Variants in ZNF385D observed in about 807,000 individuals in gnomAD.
The protein encoded by ZNF385D is zinc finger protein 659.
ZNF385D carries 15 observed loss-of-function variants against 35.8 expected under a neutral mutation model. The ratio of observed to expected loss-of-function variants is 0.42; its 90% CI spans 0.28 to 0.64. The LOEUF (loss-of-function observed/expected upper bound fraction) is 0.64, where lower values mean the gene tolerates loss of function less well. ZNF385D is among the 30% of genes least tolerant of loss of function. ZNF385D has a pLI of 0.23. For synonymous variants in ZNF385D, 212 were observed against 186.8 expected (o/e 1.13, Z -1.10); for missense variants, 474 against 494.6 (o/e 0.96, Z 0.39).
chr3:21,732,029 GGTTTTTTTTTTTTTTTTTTTTTTT>G (rs1559561917), intron 1 of ZNF385D, among the ~76,000 whole-genome samples: 1 of 21,218 alleles, frequency 4.7e-5, no homozygotes, highest in African/African-American at 2.2e-4. Flanking sequence ...CTTTTTTCGG[GGTTTTTTTTTTTTTTTTTTTTTTT>G]TTTTTTTTTT....
At chr3:21,989,436 C>T (rs185181577) in intron 3 of ZNF385D, among the ~76,000 whole-genome samples, 14 of 152,158 alleles carry the variant, frequency 9.2e-5, no homozygotes, top group Admixed American at 5.2e-4. Context: ...ATGCAACAGT[C>T]GGAAACTAAT....
chr3:21,854,694 T>C (rs1392639996), intron 3 of ZNF385D, among the ~76,000 whole-genome samples: 1 of 151,994 alleles, frequency 6.6e-6, no homozygotes, highest in East Asian at 1.9e-4. Flanking sequence ...AAAATACCTT[T>C]AATCCTGACT....
rs568659798 is a variant in ZNF385D, at chr3:21,539,320, T to G, written c.276+25254A>C. On this transcript the variant is annotated intron_variant, in intron 3 of 7. Coordinates refer to ENST00000281523, the MANE Select transcript of ZNF385D (RefSeq NM_024697.3). The surrounding 1 kb of genome is among the most constrained non-coding windows in gnomAD (Gnocchi z 4.0). ...ATTAATTGATGCCATTTTGCCCTGG[T>G]TTTGTTTCACGGATTAAATTAAGAA... is the stretch of plus-strand genomic sequence containing the variant. Among the ~76,000 whole-genome samples, 3 of 152,262 alleles carry G rather than the reference T, an allele frequency of 2.0e-5. No homozygotes were observed. In the East Asian group the frequency reaches 5.8e-4, roughly 29 times the overall value.
At chr3:22,281,695 T>C (rs927893438) in intron 2 of ZNF385D, among the ~76,000 whole-genome samples, 1 of 151,972 alleles carries the variant, frequency 6.6e-6, no homozygotes, top group African/African-American at 2.4e-5. Flanking sequence ...CACTGGTGTG[T>C]ACTTTTCTTT....
intron 2 of ZNF385D, among the ~76,000 whole-genome samples, chr3:22,221,594 C>G (rs1298195914): frequency 6.6e-6 from 1 of 152,118 alleles, no homozygotes; most frequent in African/African-American, 2.4e-5. Context: ...TTTCTCATCA[C>G]TTCAGGGTTT....
chr3:22,359,188 G>T (rs1696299630), intron 2 of ZNF385D, among the ~76,000 whole-genome samples: 1 of 151,442 alleles, frequency 6.6e-6, no homozygotes, highest in Admixed American at 6.6e-5. Context: ...ACATCTCAGT[G>T]GTCATTTTAG....
intron 2 of ZNF385D, among the ~76,000 whole-genome samples, chr3:22,207,101 G>A (rs908120370): frequency 3.3e-5 from 5 of 151,776 alleles, no homozygotes; most frequent in African/African-American, 1.2e-4. Flanking sequence ...AAATTCAAAG[G>A]ATTATCAGAG....
chr3:21,885,561 A>T (rs1698496253), intron 3 of ZNF385D, among the ~76,000 whole-genome samples: 1 of 152,060 alleles, frequency 6.6e-6, no homozygotes, highest in African/African-American at 2.4e-5. Context: ...TGCATACATA[A>T]ACCAAGAAAG....
At chr3:22,353,436 C>T (rs749602449) in intron 2 of ZNF385D, among the ~76,000 whole-genome samples, 2 of 152,128 alleles carry the variant, frequency 1.3e-5, no homozygotes, top group African/African-American at 2.4e-5. Flanking sequence ...GTTGCAGTCT[C>T]TGTATATTTG....
intron 2 of ZNF385D, among the ~76,000 whole-genome samples, chr3:22,206,232 C>T (rs1053562186): frequency 3.3e-5 from 5 of 151,858 alleles, no homozygotes; most frequent in African/African-American, 1.2e-4. Flanking sequence ...GAGGATACAA[C>T]AATTGTAAAT....
At chr3:21,478,976 T>G (rs1026904370) in intron 4 of ZNF385D, among the ~76,000 whole-genome samples, 5 of 152,042 alleles carry the variant, frequency 3.3e-5, no homozygotes, top group African/African-American at 1.2e-4. Flanking sequence ...GTATTATGCA[T>G]GATTAAAATA....
intron 3 of ZNF385D, among the ~76,000 whole-genome samples, chr3:21,535,100 A>T (rs1432273555): frequency 6.6e-6 from 1 of 152,140 alleles, no homozygotes; most frequent in Non-Finnish European, 1.5e-5. Context: ...AGGCTAAATC[A>T]TCTAAAGAAC....
chr3:21,883,279 A>C (rs552668242), intron 3 of ZNF385D, among the ~76,000 whole-genome samples: 1 of 152,004 alleles, frequency 6.6e-6, no homozygotes, highest in Non-Finnish European at 1.5e-5. Context: ...ATAAACTTAA[A>C]GATTTATATT....
intron 3 of ZNF385D, among the ~76,000 whole-genome samples, chr3:22,006,515 C>A: frequency 6.6e-6 from 1 of 151,524 alleles, no homozygotes; most frequent in East Asian, 1.9e-4. Context: ...TTTTTGATTA[C>A]AGTAATAAAT....
intron 2 of ZNF385D, among the ~76,000 whole-genome samples, chr3:21,612,284 G>C (rs1320910691): frequency 6.6e-6 from 1 of 151,956 alleles, no homozygotes; most frequent in Admixed American, 6.5e-5. Flanking sequence ...ATTTTTAGTA[G>C]AGACGGGGTA....
At chr3:22,004,247 G>A (rs1440304003) in intron 3 of ZNF385D, among the ~76,000 whole-genome samples, 1 of 152,040 alleles carries the variant, frequency 6.6e-6, no homozygotes, top group African/African-American at 2.4e-5. Flanking sequence ...ACATCCATAG[G>A]CAGAAGACCC....
intron 3 of ZNF385D, among the ~76,000 whole-genome samples, chr3:22,040,436 G>T (rs1020482734): frequency 3.9e-5 from 6 of 152,078 alleles, no homozygotes; most frequent in African/African-American, 7.2e-5. Context: ...ACAGATCAAG[G>T]GTTGCAAGCC....
intron 3 of ZNF385D, among the ~76,000 whole-genome samples, chr3:21,891,210 G>A (rs553887966): frequency 7.2e-5 from 11 of 152,106 alleles, no homozygotes; most frequent in East Asian, 3.9e-4. Context: ...CAGATATTTC[G>A]TTATTGTTAT....
At chr3:22,150,582 G>A (rs1251873259) in intron 3 of ZNF385D, among the ~76,000 whole-genome samples, 1 of 151,996 alleles carries the variant, frequency 6.6e-6, no homozygotes, top group Non-Finnish European at 1.5e-5. Context: ...CTAAAAAGAA[G>A]ATAAATATTT....
Sources: allele counts gnomAD v4.1 joint callset (sites outside exome capture counted in the v4.1 genomes callset), GRCh38; gene constraint gnomAD v4.1.1; non-coding constraint Gnocchi (gnomAD v3.1); transcripts MANE v1.5; gene names NCBI Gene and HGNC (gene_info 2026-07-23, HGNC 2026-07-21).